TRPC5: variants seen among roughly 807,000 people sequenced by gnomAD.
TRPC5 encodes transient receptor potential cation channel subfamily C member 5, also known as short transient receptor potential channel 5.
In TRPC5, 9 loss-of-function variants were observed where a neutral mutation model predicts 56.5. The ratio of observed to expected loss-of-function variants is 0.16; its 90% confidence interval spans 0.10 to 0.28. The LOEUF is 0.28. TRPC5 is among the 10% of genes least tolerant of loss of function. The probability of loss-of-function intolerance (pLI) is 1.00; values close to 1 mark genes in which losing one functional copy is unlikely to be tolerated. For missense variants in TRPC5, 469 were observed against 748.9 expected (o/e 0.63, Z 4.36); for synonymous variants, 282 against 278.5 (o/e 1.01, Z -0.13).
intron 7 of TRPC5, among the ~76,000 whole-genome samples, chrX:111,831,308 T>C (rs902252414): frequency 8.9e-6 from 1 of 112,382 alleles, no homozygotes; most frequent in Non-Finnish European, 1.9e-5. Context: ...GTCCTGCTGA[T>C]AGAGAGTTAA....
At chrX:111,966,299 T>C (rs1187357727) in intron 1 of TRPC5, among the ~76,000 whole-genome samples, 3 of 111,722 alleles carry the variant, frequency 2.7e-5, no homozygotes, top group Non-Finnish European at 5.7e-5. Flanking sequence ...AACCTCTGAA[T>C]AGACCAATAA....
chrX:112,059,300 C>T (rs1336230364), intron 1 of TRPC5, among the ~76,000 whole-genome samples: 1 of 111,845 alleles, frequency 8.9e-6, no homozygotes, highest in Admixed American at 9.5e-5. Flanking sequence ...GTGTTTGGTG[C>T]TATTCTATGC....
intron 1 of TRPC5, among the ~76,000 whole-genome samples, chrX:111,958,680 T>C (rs750824986): frequency 8.9e-6 from 1 of 112,186 alleles, no homozygotes; most frequent in East Asian, 2.8e-4. Flanking sequence ...GCAAAAGTGA[T>C]TGCCTTTTGT....
chrX:112,072,804 ATCTCTC>A (rs752223814), intron 1 of TRPC5, among the ~76,000 whole-genome samples: 2 of 109,421 alleles, frequency 1.8e-5, no homozygotes, highest in Non-Finnish European at 3.8e-5. Flanking sequence ...TGTCAGATCG[ATCTCTC>A]TCTCTCTCTT....
chrX:111,786,512 G>A (rs1432113359), intron 7 of TRPC5, among the ~76,000 whole-genome samples: 3 of 110,907 alleles, frequency 2.7e-5, no homozygotes, highest in Non-Finnish European at 3.8e-5. Flanking sequence ...ATCAATTAAC[G>A]GGCAAAATAA....
At chrX:111,849,559 G>A (rs775947499) in intron 5 of TRPC5, among the ~76,000 whole-genome samples, 102 of 112,062 alleles carry the variant, frequency 9.1e-4, no homozygotes, top group South Asian at 8.7e-3. Context: ...TAACACAGTC[G>A]TTTTAAACTG....
intron 3 of TRPC5, among the ~76,000 whole-genome samples, chrX:111,863,791 TCA>T (rs958722183): frequency 1.8e-5 from 2 of 111,871 alleles, no homozygotes; most frequent in African/African-American, 6.5e-5. Context: ...TCTCTTCAAT[TCA>T]CAGTTTTCCA....
intron 2 of TRPC5, among the ~76,000 whole-genome samples, chrX:111,933,964 C>G (rs1183795102): frequency 9.0e-6 from 1 of 111,297 alleles, no homozygotes; most frequent in Non-Finnish European, 1.9e-5. Context: ...CATGTATACA[C>G]TGTATAATCA....
intron 1 of TRPC5, among the ~76,000 whole-genome samples, chrX:111,960,314 G>A (rs984544140): frequency 8.9e-6 from 1 of 112,268 alleles, no homozygotes; most frequent in Non-Finnish European, 1.9e-5. Context: ...CTATAAACAC[G>A]TGTGATTTTA....
rs751743968 is a variant in TRPC5, at chrX:111,996,085, A to G, written c.-21-43644T>C. On this transcript the variant is annotated intron_variant, in intron 1 of 10. Transcript: ENST00000262839. ...TTTTAATTGTGATGTTAGGATGTCC[A>G]TTTTAGATCTTTCCTGCTTTCTCTT... 7.2e-5 allele frequency among the ~76,000 whole-genome samples: 8 copies of G among 111,407 alleles called. No individual in the cohort carries two copies. In the South Asian group the frequency reaches 3.0e-3, roughly 42 times the overall value.
At chrX:111,878,411 G>C (rs1924058465) in intron 3 of TRPC5, among the ~76,000 whole-genome samples, 1 of 111,381 alleles carries the variant, frequency 9.0e-6, no homozygotes, top group African/African-American at 3.3e-5. Flanking sequence ...GCTTCCTTAG[G>C]GCAGAGACTA....
At chrX:111,995,944 A>AT (rs941328288) in intron 1 of TRPC5, among the ~76,000 whole-genome samples, 5 of 107,308 alleles carry the variant, frequency 4.7e-5, no homozygotes, top group African/African-American at 1.7e-4. Context: ...GGATTCATTG[A>AT]TTTTTTTGAA....
In TRPC5 at chrX:111,971,639, T is replaced by G. The variant is rs143457891; in HGVS notation, c.-21-19198A>C. Among the ~76,000 whole-genome samples, 763 of 111,852 alleles carry G rather than the reference T, an allele frequency of 6.8e-3. 7 individuals carry two copies. The highest frequency in any genetic ancestry group is 0.024 in the African/African-American group (730 of 30,808). On this transcript the variant is annotated intron_variant, in intron 1 of 10. Coordinates refer to ENST00000262839, the MANE Select transcript of TRPC5 (RefSeq NM_012471.3). Reference sequence around the variant, plus strand: ...AACCAGCCCAAGATCTTTCCTCTAATAGAAACTCTGAGGAGTATGTTGTTA... The same window carrying G: ...AACCAGCCCAAGATCTTTCCTCTAAGAGAAACTCTGAGGAGTATGTTGTTA...
At chrX:111,913,168 C>T (rs942829584) in intron 2 of TRPC5, among the ~76,000 whole-genome samples, 1 of 111,387 alleles carries the variant, frequency 9.0e-6, no homozygotes, top group East Asian at 2.9e-4. Flanking sequence ...ACTCTAGAGC[C>T]AAGCTCTAGA....
intron 1 of TRPC5, among the ~76,000 whole-genome samples, chrX:111,994,194 T>C (rs1306799266): frequency 8.9e-6 from 1 of 111,836 alleles, no homozygotes. Flanking sequence ...GTCAGGTTTG[T>C]CAAAGATCAG....
intron 1 of TRPC5, among the ~76,000 whole-genome samples, chrX:111,989,008 G>C (rs749672976): frequency 8.9e-6 from 1 of 111,773 alleles, no homozygotes; most frequent in South Asian, 3.7e-4. Flanking sequence ...AAAGTTCCTA[G>C]AACGTTGCTT....
intron 3 of TRPC5, among the ~76,000 whole-genome samples, chrX:111,907,580 G>T (rs1925672472): frequency 9.1e-6 from 1 of 109,697 alleles, no homozygotes; most frequent in African/African-American, 3.3e-5. Context: ...AGCCGAGATG[G>T]CACCACTGCA....
At chrX:112,070,826 T>C (rs1930701523) in intron 1 of TRPC5, among the ~76,000 whole-genome samples, 1 of 110,990 alleles carries the variant, frequency 9.0e-6, no homozygotes, top group Admixed American at 9.6e-5. Context: ...TCTATTTGTA[T>C]AGACATCATC....
chrX:111,845,700 G>A lies in TRPC5; in HGVS notation c.1700+1414C>T, dbSNP rs146329322. 6.7e-3 allele frequency among the ~76,000 whole-genome samples: 755 copies of A among 112,132 alleles called. 2 individuals carry two copies. Among genetic ancestry groups the A allele is most frequent in the African/African-American group, 0.023 (719 of 30,880 alleles). On this transcript the variant is annotated intron_variant, in intron 6 of 10. Transcript: ENST00000262839. ...CAATTGCTCTTTATGTTGAAAACAG[G>A]TTGCTGTGAGTTCTGTCTCTAGAGT...
Sources: gnomAD v4.1 joint callset for allele counts (sites outside exome capture counted in the v4.1 genomes callset) on GRCh38, gnomAD v4.1.1 for gene constraint, MANE v1.5 for transcripts, NCBI Gene and HGNC (gene_info 2026-07-23, HGNC 2026-07-21) for gene names.